The following PATJ variants were observed in gnomAD, a reference collection of about 807,000 sequenced individuals.
PATJ encodes inaD-like protein.
PATJ carries 190 observed loss-of-function variants against 224.9 expected under a neutral mutation model. The ratio of observed to expected loss-of-function variants is 0.84; its 90% confidence interval spans 0.75 to 0.95. The LOEUF is 0.95. Ranked by LOEUF, PATJ falls within the 40% of genes least tolerant of loss-of-function variation. The probability of loss-of-function intolerance (pLI) is 0.00; values close to 1 mark genes in which losing one functional copy is unlikely to be tolerated. For synonymous variants in PATJ, 769 were observed against 820.3 expected (o/e 0.94, Z 1.07); for missense variants, 2,121 against 2,270.3 (o/e 0.93, Z 1.34).
At chr1:62,121,067 T>C (rs984077987) in intron 37 of PATJ, 114 bp from the exon 38 acceptor site, 1 of 671,618 alleles carries the variant, frequency 1.5e-6, no homozygotes, top group African/African-American at 1.9e-5. Context: ...CTCCTCACGA[T>C]TTTCTGTTAG....
chr1:62,160,445 G>T (rs192781373), intron 43 of PATJ, among the ~76,000 whole-genome samples: 1 of 152,266 alleles, frequency 6.6e-6, no homozygotes, highest in Non-Finnish European at 1.5e-5. Context: ...CCCATTTAAA[G>T]ACTACACTTA....
In PATJ at chr1:62,084,556, C is replaced by T; in HGVS notation, c.4285C>T (p.Pro1429Ser). 6.2e-7 allele frequency: 1 copy of T among 1,613,362 alleles called. No individual in the cohort carries two copies. The highest frequency in any genetic ancestry group is 8.5e-7 in the Non-Finnish European group (1 of 1,179,772). Reference protein sequence around the residue: ...APLSVDPATCPIVPGQEMIIE... With the variant: ...APLSVDPATCSIVPGQEMIIE... ...TCTGTCAGTGGACCCCGCAACGTGTCCCATTGTCCCTGGACAGGAAATGAT... is the reference window on the plus strand; with the variant it reads ...TCTGTCAGTGGACCCCGCAACGTGTTCCATTGTCCCTGGACAGGAAATGAT... The change falls in exon 33 of 44, where the codon CCC (proline) becomes TCC (serine). Residue 1429 changes from proline to serine, a missense_variant. Pro to Ser is a moderately conservative substitution (Grantham distance 74). Coordinates refer to ENST00000642238, the MANE Select transcript of PATJ (RefSeq NM_001350145.3).
chr1:61,975,643 C>G (rs1453398524), intron 27 of PATJ, among the ~76,000 whole-genome samples: 5 of 152,006 alleles, frequency 3.3e-5, no homozygotes, highest in Non-Finnish European at 5.9e-5. Flanking sequence ...GCCCTCCTTC[C>G]CACTGTCGAG....
At chr1:61,753,413 G>C (rs975009082) in intron 1 of PATJ, among the ~76,000 whole-genome samples, 3 of 152,080 alleles carry the variant, frequency 2.0e-5, no homozygotes, top group African/African-American at 7.2e-5. Context: ...TATATCATAT[G>C]TCTTAGTAAA....
intron 26 of PATJ, 95 bp downstream of exon 26, chr1:61,914,759 G>A: frequency 1.5e-6 from 1 of 655,138 alleles, no homozygotes; most frequent in Non-Finnish European, 2.7e-6. Context: ...GCTTTTTGAT[G>A]AGTGTCAGTG....
rs149858188 is a variant in PATJ at position 61,907,623 on chromosome 1, C to T, written c.3382-749C>T. Among the ~76,000 whole-genome samples the T allele has an allele frequency of 8.5e-3, 1,287 of 152,296 alleles. 15 individuals carry two copies. The highest frequency in any genetic ancestry group is 0.028 in the African/African-American group (1,160 of 41,554). On this transcript the variant is annotated intron_variant, in intron 24 of 43. Coordinates refer to ENST00000642238, the MANE Select transcript of PATJ (RefSeq NM_001350145.3). The stretch of plus-strand genomic sequence containing the variant: ...CTTTCCACCCACATTCCTGTTTCCT[C>T]GGTCCTCTAATAGCAAAGCAGTCTT...
intron 37 of PATJ, chr1:62,117,446 C>A (rs1406823567): frequency 2.2e-6 from 3 of 1,359,558 alleles, no homozygotes; most frequent in Non-Finnish European, 2.8e-6. Context: ...TTCTTGGAAG[C>A]TCTTTTCTCT....
At chr1:62,029,482 C>A (rs1017972632) in intron 29 of PATJ, among the ~76,000 whole-genome samples, 1 of 152,126 alleles carries the variant, frequency 6.6e-6, no homozygotes, top group South Asian at 2.1e-4. Context: ...AGGAATTAGT[C>A]AAGGGCTATC....
At position 61,965,121 on chromosome 1, in the gene PATJ, CAAAAAAAAAAAAAA is replaced by C. The variant is rs34267345; in HGVS notation, c.3671-25020_3671-25007del. 9.2e-4 allele frequency among the ~76,000 whole-genome samples: 50 copies of C among 54,360 alleles called. No homozygotes were observed. The East Asian group carries it at 0.013, about 14-fold the overall frequency. 35.7% of individuals were successfully genotyped at this position (54,360 alleles called of 152,430 possible). On this transcript the variant is annotated intron_variant, in intron 27 of 43. Coordinates refer to ENST00000642238, the MANE Select transcript of PATJ (RefSeq NM_001350145.3). ...TGGGCCACTGAAGGAGACTCTGTCT[CAAAAAAAAAAAAAA>C]AAAAAAAAAAAAAAAAAAAAAAAAA...
intron 33 of PATJ, among the ~76,000 whole-genome samples, chr1:62,089,767 G>A (rs1660488426): frequency 6.6e-6 from 1 of 151,832 alleles, no homozygotes; most frequent in African/African-American, 2.4e-5. Context: ...ATGGCATCCA[G>A]CTAGCAGAAA....
At chr1:61,930,883 A>G (rs1675928423) in intron 27 of PATJ, among the ~76,000 whole-genome samples, 1 of 152,162 alleles carries the variant, frequency 6.6e-6, no homozygotes, top group African/African-American at 2.4e-5. Context: ...TATTTTTAGT[A>G]GAGACAGGGT....
Position 61,884,290 on chromosome 1 carries a change from G to C in PATJ, c.3013G>C (p.Val1005Leu). The C allele has an allele frequency of 3.7e-6, 6 of 1,613,562 alleles. No homozygotes were observed. The highest frequency in any genetic ancestry group is 5.1e-6 in the Non-Finnish European group (6 of 1,179,848). ...TAGCTTGCTCATTGACCTTCCTGTTGTGGCTCAAAGGAGGGAGCAAGAAGA... is the reference window on the plus strand; with the variant it reads ...TAGCTTGCTCATTGACCTTCCTGTTCTGGCTCAAAGGAGGGAGCAAGAAGA... The part of the protein sequence containing the change: ...GPSLLIDLPV[V>L]AQRREQEDLP... The change falls in exon 22 of 44, where the codon GTG (valine) becomes CTG (leucine). Residue 1005 changes from valine (V) to leucine (L), a missense_variant. By Grantham distance (32) the Val-to-Leu change is conservative. Coordinates refer to ENST00000642238, the MANE Select transcript of PATJ (RefSeq NM_001350145.3).
intron 27 of PATJ, among the ~76,000 whole-genome samples, chr1:61,932,792 C>T (rs972487992): frequency 6.6e-6 from 1 of 152,058 alleles, no homozygotes; most frequent in African/African-American, 2.4e-5. Context: ...CCCAACTAGT[C>T]GGGAGGCTGA....
At position 62,149,429 on chromosome 1, in the gene PATJ, A is replaced by AT. The variant is rs749390341; in HGVS notation, c.5378+1045dup. 1.4e-3 allele frequency among the ~76,000 whole-genome samples: 220 copies of AT among 152,102 alleles called. 1 individual carries two copies. The highest frequency in any genetic ancestry group is 1.5e-3 in the Non-Finnish European group (102 of 67,976). On this transcript the variant is annotated intron_variant, in intron 42 of 43. Transcript: ENST00000642238. ...GATCTCATGGTCATAGCCCGTCCCA[A>AT]TTTTTTCCTGGTAGTTCCCCACCTA...
chr1:62,008,479 C>T (rs1888985), intron 28 of PATJ, among the ~76,000 whole-genome samples: 10,384 of 152,178 alleles, frequency 0.068, 1,004 homozygotes, highest in African/African-American at 0.21. Context: ...AACTACTAAT[C>T]GGCACAGTGG....
At chr1:61,907,100 A>G (rs1671961590) in intron 24 of PATJ, among the ~76,000 whole-genome samples, 1 of 152,100 alleles carries the variant, frequency 6.6e-6, no homozygotes, top group Non-Finnish European at 1.5e-5. Context: ...CCTTCCTGCC[A>G]CGTGTTTGCT....
chr1:61,839,301 A>T (rs913442264), intron 17 of PATJ, among the ~76,000 whole-genome samples: 14 of 152,114 alleles, frequency 9.2e-5, no homozygotes, highest in African/African-American at 3.1e-4. Context: ...AAACTAAGCT[A>T]CTAGATAGTA....
At chr1:61,865,390 T>G (rs949680642) in intron 20 of PATJ, 6 of 151,404 alleles carry the variant, frequency 4.0e-5, no homozygotes, top group African/African-American at 9.7e-5. Flanking sequence ...CTGGCTAGTT[T>G]TGTTTTTTTT....
chr1:61,754,587 C>A (rs1427878727), intron 1 of PATJ, among the ~76,000 whole-genome samples: 1 of 144,068 alleles, frequency 6.9e-6, no homozygotes. Context: ...GTCTCAAACT[C>A]CTGGGCTCAA....
Sources: allele counts gnomAD v4.1 joint callset (sites outside exome capture counted in the v4.1 genomes callset), GRCh38; gene constraint gnomAD v4.1.1; transcripts MANE v1.5; gene names NCBI Gene and HGNC (gene_info 2026-07-23, HGNC 2026-07-21).